Variants in NRXN3 observed in about 807,000 individuals in gnomAD.
NRXN3 encodes the protein neurexin III.
NRXN3 carries 32 observed loss-of-function variants against 137.6 expected under a neutral mutation model. The observed-to-expected ratio is 0.23, with a 90% CI of 0.18 to 0.31. The LOEUF is 0.31. Among genes scored for constraint, NRXN3 ranks in the 10% least tolerant of loss-of-function variants. The probability of loss-of-function intolerance (pLI) is 1.00; values close to 1 mark genes in which losing one functional copy is unlikely to be tolerated. For missense variants in NRXN3, 1,574 were observed against 2,062.5 expected (o/e 0.76, Z 4.59); for synonymous variants, 798 against 784.5 (o/e 1.02, Z -0.29).
At chr14:78,941,297 A>G (rs1033341660) in intron 10 of NRXN3, among the ~76,000 whole-genome samples, 2 of 152,160 alleles carry the variant, frequency 1.3e-5, no homozygotes, top group Admixed American at 6.5e-5. Flanking sequence ...TATCCCAGTC[A>G]ATATAAGCTC....
intron 4 of NRXN3, among the ~76,000 whole-genome samples, chr14:78,353,303 A>G (rs2083818024): frequency 6.6e-6 from 1 of 152,182 alleles, no homozygotes; most frequent in Non-Finnish European, 1.5e-5. Context: ...AAAATACCGT[A>G]GATTGAGTGG....
At chr14:79,121,158 A>G (rs1300101534) in intron 15 of NRXN3, among the ~76,000 whole-genome samples, 1 of 152,246 alleles carries the variant, frequency 6.6e-6, no homozygotes, top group Non-Finnish European at 1.5e-5. Context: ...CCACTGCTTT[A>G]GAGTCATCAC....
intron 15 of NRXN3, among the ~76,000 whole-genome samples, chr14:79,418,298 A>AAAAAAC (rs1567070458): frequency 6.6e-6 from 1 of 152,066 alleles, no homozygotes; most frequent in African/African-American, 2.4e-5. Context: ...ATATTCTTTA[A>AAAAAAC]GTGTATTTTT....
At chr14:78,252,896 T>C (rs964573787) in intron 2 of NRXN3, among the ~76,000 whole-genome samples, 1 of 152,264 alleles carries the variant, frequency 6.6e-6, no homozygotes, top group Middle Eastern at 3.2e-3. Context: ...CACTTCTTTG[T>C]GATCCACATC....
chr14:79,446,610 A>ATCCTCCC (rs964798792), intron 15 of NRXN3, among the ~76,000 whole-genome samples: 3 of 151,712 alleles, frequency 2.0e-5, no homozygotes, highest in African/African-American at 7.3e-5. Flanking sequence ...GTACCTACTA[A>ATCCTCCC]TCCTCCCTCC....
chr14:78,701,223 G>A (rs1031784398), intron 6 of NRXN3, among the ~76,000 whole-genome samples: 1 of 152,182 alleles, frequency 6.6e-6, no homozygotes, highest in Non-Finnish European at 1.5e-5. Context: ...AAGGCAAAGG[G>A]TCAGAAATCT....
intron 1 of NRXN3, among the ~76,000 whole-genome samples, chr14:78,236,738 C>CT (rs1262241996): frequency 6.8e-6 from 1 of 146,586 alleles, no homozygotes; most frequent in Non-Finnish European, 1.5e-5. Context: ...TTCCCCCCCC[C>CT]CTTTTTTTTG....
intron 4 of NRXN3, among the ~76,000 whole-genome samples, chr14:78,466,186 G>A (rs1160215500): frequency 6.6e-6 from 1 of 151,954 alleles, no homozygotes. Flanking sequence ...AAAACAAACA[G>A]ACAAACAACA....
At chr14:79,131,529 G>A (rs1052086317) in intron 15 of NRXN3, among the ~76,000 whole-genome samples, 3 of 152,224 alleles carry the variant, frequency 2.0e-5, no homozygotes, top group African/African-American at 4.8e-5. Flanking sequence ...GGGGCAGTCT[G>A]CCCGTTTTCA....
chr14:79,279,830 T>C (rs928703161), intron 15 of NRXN3: 7 of 996,378 alleles, frequency 7.0e-6, no homozygotes, highest in Non-Finnish European at 8.4e-6. Context: ...TTCAAACTCC[T>C]TGGATGTTGG....
In NRXN3 at chr14:78,903,848, T is replaced by C. The variant is rs112401224; in HGVS notation, c.2276-53394T>C. On this transcript the variant is annotated intron_variant, in intron 10 of 20. Transcript: ENST00000335750. ...ATGAAGTGCTGTTTATGCAATGAAG[T>C]GCGTTTCTTGCTTTGTTAGTAGTCA... 1.6e-3 allele frequency among the ~76,000 whole-genome samples: 251 copies of C among 152,170 alleles called. 1 individual carries two copies. Among genetic ancestry groups the C allele is most frequent in the African/African-American group, 5.4e-3 (226 of 41,538 alleles).
At chr14:78,556,247 T>TA (rs1390223533) in intron 4 of NRXN3, among the ~76,000 whole-genome samples, 1 of 152,256 alleles carries the variant, frequency 6.6e-6, no homozygotes, top group Non-Finnish European at 1.5e-5. Context: ...ATACATCTAT[T>TA]ATGCAACTCA....
At chr14:78,172,939 A>AT (rs1555387493) in intron 1 of NRXN3, among the ~76,000 whole-genome samples, 2 of 151,952 alleles carry the variant, frequency 1.3e-5, no homozygotes, top group Non-Finnish European at 2.9e-5. Flanking sequence ...TGTTGATTTC[A>AT]TTTTAGTGCT....
chr14:79,465,840 C>T (rs534757274), intron 15 of NRXN3, among the ~76,000 whole-genome samples: 3 of 152,222 alleles, frequency 2.0e-5, no homozygotes, highest in East Asian at 3.9e-4. Context: ...ATGAGTAACC[C>T]GTGGAAGTAT....
At chr14:78,232,305 G>A (rs2065534804) in intron 1 of NRXN3, among the ~76,000 whole-genome samples, 1 of 152,240 alleles carries the variant, frequency 6.6e-6, no homozygotes, top group Admixed American at 6.5e-5. Flanking sequence ...GTCAAGTAAT[G>A]GGAATAATTA....
chr14:78,328,873 T>C (rs2080437078), intron 4 of NRXN3, among the ~76,000 whole-genome samples: 1 of 152,160 alleles, frequency 6.6e-6, no homozygotes, highest in African/African-American at 2.4e-5. Context: ...CATGGCAAGG[T>C]ACTATCTTAC....
chr14:79,604,184 C>T (rs114875169), intron 16 of NRXN3, among the ~76,000 whole-genome samples: 10,897 of 151,968 alleles, frequency 0.072, 448 homozygotes, highest in South Asian at 0.13. Flanking sequence ...AGCCACCGCG[C>T]CCTGCCAGAA....
At chr14:78,205,467 G>A (rs2062095800) in intron 1 of NRXN3, among the ~76,000 whole-genome samples, 1 of 152,250 alleles carries the variant, frequency 6.6e-6, no homozygotes, top group Non-Finnish European at 1.5e-5. Context: ...TGCTTGGGTA[G>A]AGTTTGCATG....
intron 20 of NRXN3, among the ~76,000 whole-genome samples, chr14:79,856,694 T>C (rs1457088899): frequency 3.3e-5 from 5 of 151,898 alleles, no homozygotes; most frequent in Admixed American, 2.6e-4. Context: ...AGAAGAATTC[T>C]ATTAAATTTT....
Sources: allele counts gnomAD v4.1 joint callset (sites outside exome capture counted in the v4.1 genomes callset), GRCh38; gene constraint gnomAD v4.1.1; transcripts MANE v1.5; gene names NCBI Gene and HGNC (gene_info 2026-07-23, HGNC 2026-07-21).